SPOP: variants seen among roughly 807,000 people sequenced by gnomAD.
SPOP encodes speckle-type POZ protein.
A neutral mutation model predicts 45.6 loss-of-function variants in SPOP; 11 were observed. The observed-to-expected ratio is 0.24, with a 90% CI of 0.15 to 0.40. The LOEUF (loss-of-function observed/expected upper bound fraction) is 0.40, where lower values mean the gene tolerates loss of function less well. Ranked by LOEUF, SPOP falls within the 10% of genes least tolerant of loss-of-function variation. The probability of loss-of-function intolerance (pLI) is 1.00; values close to 1 mark genes in which losing one functional copy is unlikely to be tolerated. For missense variants in SPOP, 152 were observed against 465.6 expected (o/e 0.33, Z 6.20); for synonymous variants, 166 against 166.3 (o/e 1.00, Z 0.01).
chr17:49,672,050 G>T (rs1183663752), intron 1 of SPOP, among the ~76,000 whole-genome samples: 2 of 152,106 alleles, frequency 1.3e-5, no homozygotes, highest in Admixed American at 1.3e-4. Flanking sequence ...TGAGGCACAA[G>T]AATCACTTGA....
intron 1 of SPOP, among the ~76,000 whole-genome samples, chr17:49,658,537 C>T (rs1385410721): frequency 1.3e-5 from 2 of 152,182 alleles, no homozygotes; most frequent in African/African-American, 4.8e-5. Flanking sequence ...CAAGGAACTT[C>T]CCTGCTGTTT....
At chr17:49,618,771 T>G (rs981196717) in intron 5 of SPOP, among the ~76,000 whole-genome samples, 8 of 152,196 alleles carry the variant, frequency 5.3e-5, no homozygotes, top group Admixed American at 2.0e-4. Flanking sequence ...ATACAACCTT[T>G]GTTTTTAAGA....
At chr17:49,640,279 A>G (rs2072622680) in intron 1 of SPOP, among the ~76,000 whole-genome samples, 1 of 152,086 alleles carries the variant, frequency 6.6e-6, no homozygotes, top group Admixed American at 6.6e-5. Context: ...CAAAGCATAC[A>G]TTATTAAAAT....
At chr17:49,671,530 C>T (rs186853567) in intron 1 of SPOP, among the ~76,000 whole-genome samples, 1 of 151,742 alleles carries the variant, frequency 6.6e-6, no homozygotes, top group East Asian at 2.0e-4. Context: ...AAATACAGGA[C>T]AGTGTGAGCA....
At chr17:49,663,630 A>C (rs2073016734) in intron 1 of SPOP, among the ~76,000 whole-genome samples, 1 of 152,236 alleles carries the variant, frequency 6.6e-6, no homozygotes, top group Non-Finnish European at 1.5e-5. Context: ...CACTTCTGCA[A>C]GATACTCAAG....
chr17:49,624,331 G>GCACA (rs58009760), intron 1 of SPOP, among the ~76,000 whole-genome samples: 19,595 of 149,150 alleles, frequency 0.13, 1,478 homozygotes, highest in Middle Eastern at 0.18. Flanking sequence ...GCGCGCGCGC[G>GCACA]CACACACACA....
chr17:49,620,394 G>A (rs962997800), intron 3 of SPOP, among the ~76,000 whole-genome samples: 2 of 151,338 alleles, frequency 1.3e-5, no homozygotes, highest in African/African-American at 4.9e-5. Flanking sequence ...CTTTAACCCA[G>A]GAGGCAGAGG....
At chr17:49,659,190 G>A (rs2072954260) in intron 1 of SPOP, among the ~76,000 whole-genome samples, 1 of 152,112 alleles carries the variant, frequency 6.6e-6, no homozygotes, top group South Asian at 2.1e-4. Context: ...TGCTCCCATG[G>A]TGAATCAATT....
chr17:49,624,349 A>G (rs898095317), intron 1 of SPOP, among the ~76,000 whole-genome samples: 4 of 151,950 alleles, frequency 2.6e-5, no homozygotes, highest in East Asian at 1.9e-4. Flanking sequence ...ACACACACAC[A>G]CACACACACA....
intron 1 of SPOP, among the ~76,000 whole-genome samples, chr17:49,645,026 T>C (rs1946799114): frequency 6.6e-6 from 1 of 152,104 alleles, no homozygotes; most frequent in African/African-American, 2.4e-5. Context: ...GGAAAAATGG[T>C]AAATTAGAAA....
At chr17:49,618,792 G>C (rs2072145921) in intron 5 of SPOP, among the ~76,000 whole-genome samples, 189 bp downstream of exon 5, 1 of 152,176 alleles carries the variant, frequency 6.6e-6, no homozygotes, top group African/African-American at 2.4e-5. Context: ...ACAGTAACAA[G>C]TGGAAAGCTG....
chr17:49,663,698 C>A (rs1166702889), intron 1 of SPOP, among the ~76,000 whole-genome samples: 1 of 152,200 alleles, frequency 6.6e-6, no homozygotes, highest in Non-Finnish European at 1.5e-5. Flanking sequence ...GTTGAACTAG[C>A]TGCTTTTTCC....
chr17:49,635,496 T>G (rs1164760456), intron 1 of SPOP, among the ~76,000 whole-genome samples: 2 of 152,128 alleles, frequency 1.3e-5, no homozygotes, highest in Non-Finnish European at 2.9e-5. Context: ...TTACACAAAA[T>G]GGTGGAGAGT....
intron 1 of SPOP, among the ~76,000 whole-genome samples, chr17:49,644,815 TCATACATACACACATA>T (rs2072724893): frequency 1.3e-5 from 2 of 152,170 alleles, no homozygotes; most frequent in South Asian, 4.1e-4. Context: ...CAATACATTT[TCATACATACACACATA>T]CATACATACA....
chr17:49,676,139 G>A (rs2073196050), intron 1 of SPOP: 1 of 152,176 alleles, frequency 6.6e-6, no homozygotes, highest in South Asian at 2.1e-4. Flanking sequence ...TCTAAGTATG[G>A]ACATAGGAAA....
chr17:49,673,555 A>G (rs1365096649), intron 1 of SPOP, among the ~76,000 whole-genome samples: 1 of 152,192 alleles, frequency 6.6e-6, no homozygotes, highest in Non-Finnish European at 1.5e-5. Context: ...TAAAGTAAAT[A>G]TAGCAAAATG....
chr17:49,599,278 A>T lies in SPOP; in HGVS notation c.*1100T>A. 1 of 220,662 alleles carries T rather than the reference A, an allele frequency of 4.5e-6. No homozygotes were observed. Among genetic ancestry groups the T allele is most frequent in the Non-Finnish European group, 9.1e-6 (1 of 110,074 alleles). 13.7% of individuals were successfully genotyped at this position (220,662 alleles called of 1,614,324 possible). On this transcript the variant is annotated 3_prime_UTR_variant, in exon 10 of 10. Transcript: ENST00000504102. Reference sequence around the variant, plus strand: ...AGTGAAACAAAAGACCAGAGATACCACACAGTACAAAATAGTAATTATTTA... The same window carrying T: ...AGTGAAACAAAAGACCAGAGATACCTCACAGTACAAAATAGTAATTATTTA...
At chr17:49,629,815 G>A (rs1173272996) in intron 1 of SPOP, among the ~76,000 whole-genome samples, 4 of 152,186 alleles carry the variant, frequency 2.6e-5, no homozygotes, top group South Asian at 4.1e-4. Flanking sequence ...AACAGAGAGA[G>A]AGGCATGAAT....
At chr17:49,651,535 C>A (rs1220173062) in intron 1 of SPOP, among the ~76,000 whole-genome samples, 1 of 152,184 alleles carries the variant, frequency 6.6e-6, no homozygotes, top group Non-Finnish European at 1.5e-5. Context: ...TCAACCAAAT[C>A]TTTACTGATT....
Sources: gnomAD v4.1 joint callset for allele counts (sites outside exome capture counted in the v4.1 genomes callset) on GRCh38, gnomAD v4.1.1 for gene constraint, MANE v1.5 for transcripts, NCBI Gene and HGNC (gene_info 2026-07-23, HGNC 2026-07-21) for gene names.